The following DMRTB1 variants were observed in gnomAD, a reference collection of about 807,000 sequenced individuals.
DMRTB1 encodes the protein DMRT like family B with proline rich C-terminal 1, also known as doublesex- and mab-3-related transcription factor B1.
A neutral mutation model predicts 25.2 loss-of-function variants in DMRTB1; 9 were observed. The observed-to-expected ratio is 0.36, with a 90% confidence interval of 0.22 to 0.62. DMRTB1 has a LOEUF of 0.62. DMRTB1 is among the 20% of genes least tolerant of loss of function. The probability of loss-of-function intolerance (pLI) is 0.71; values close to 1 mark genes in which losing one functional copy is unlikely to be tolerated. For missense variants in DMRTB1, 551 were observed against 499.3 expected, an observed-to-expected ratio of 1.10 and a Z score of -0.99; for synonymous variants, 269 against 238.1, an observed-to-expected ratio of 1.13 and a Z score of -1.20.
At chr1:53,460,644 TAC>T (rs1391260923) in intron 1 of DMRTB1, 4 of 152,370 alleles carry the variant, frequency 2.6e-5, no homozygotes, top group African/African-American at 9.6e-5. Context: ...CTTCACCTTG[TAC>T]ATAAATTACA....
chr1:53,461,761 G>T lies in DMRTB1; in HGVS notation c.750+116G>T, dbSNP rs1485598888. On this transcript the variant is annotated intron_variant, in intron 2 of 3. Transcript: ENST00000371445. The stretch of plus-strand genomic sequence containing the variant: ...CATAAACTGTGCCCACGCCATGCCA[G>T]CCCCCGAGTGCTGGTGGAGGACTAG... 2.4e-6 allele frequency: 3 copies of T among 1,260,874 alleles called. No individual in the cohort carries two copies. In the East Asian group the frequency reaches 8.1e-5, roughly 34 times the overall value. 78.1% of individuals were successfully genotyped at this position (1,260,874 alleles called of 1,614,324 possible). A position where few individuals can be genotyped will look rare whatever the true frequency, so the allele number is the denominator to read the frequency against.
intron 1 of DMRTB1, among the ~76,000 whole-genome samples, chr1:53,460,844 G>T (rs1455401297): frequency 6.6e-6 from 1 of 152,202 alleles, no homozygotes; most frequent in Non-Finnish European, 1.5e-5. Context: ...TGCCCTCTGT[G>T]TGCCAGGGCA....
At position 53,466,835 on chromosome 1, in the gene DMRTB1, C is replaced by T. The variant is rs190565044; in HGVS notation, c.*173C>T. 162 of 671,808 alleles carry T rather than the reference C, an allele frequency of 2.4e-4. No homozygotes were observed. The Admixed American group carries it at 2.7e-3, about 11-fold the overall frequency. 41.6% of individuals were successfully genotyped at this position (671,808 alleles called of 1,614,324 possible). On this transcript the variant is annotated 3_prime_UTR_variant, in exon 4 of 4. Coordinates refer to ENST00000371445, the MANE Select transcript of DMRTB1 (RefSeq NM_033067.3). ...GAGCAATTTCTAAGTTTCAATCCTG[C>T]GCTGTACAGTTGAAGAAGAGTGTGG...
rs780080350 is a variant in DMRTB1, at chr1:53,466,587, C to G, written c.962-8C>G. ...TCTAAATCCAGCTACCTTCTTTGTC[C>G]TTCACAGATGACCAGGATGCAGAGG... On this transcript the variant is annotated splice_region_variant and splice_polypyrimidine_tract_variant and intron_variant, in intron 3 of 3. Coordinates refer to ENST00000371445, the MANE Select transcript of DMRTB1 (RefSeq NM_033067.3). 96 of 1,613,952 alleles carry G rather than the reference C, an allele frequency of 5.9e-5. 1 individual carries two copies. The highest frequency in any genetic ancestry group is 8.5e-6 in the Non-Finnish European group (10 of 1,179,974).
At position 53,459,699 on chromosome 1, in the gene DMRTB1, C is replaced by T. The variant is rs1489292317; in HGVS notation, c.246C>T (p.Ala82=). The T allele has an allele frequency of 1.4e-6, 2 of 1,474,060 alleles. No homozygotes were observed. Among genetic ancestry groups the T allele is most frequent in the Admixed American group, 2.6e-5 (1 of 39,178 alleles). 91.3% of individuals were successfully genotyped at this position (1,474,060 alleles called of 1,614,324 possible). Residue 82 remains alanine (A), a synonymous_variant, in exon 1 of 4, where the codon GCC becomes GCT. Transcript: ENST00000371445. ...QGPKQASGAA[A]AAPAPVPVPA... ...CCAAGCAGGCCTCCGGGGCTGCGGCCGCCGCCCCCGCCCCCGTCCCCGTCC... is the reference window on the plus strand; with the variant it reads ...CCAAGCAGGCCTCCGGGGCTGCGGCTGCCGCCCCCGCCCCCGTCCCCGTCC...
rs1434191157 is a variant in DMRTB1 at position 53,459,701 on chromosome 1, C to G, written c.248C>G (p.Ala83Gly). ...GPKQASGAAA[A>G]APAPVPVPAA... ...AAGCAGGCCTCCGGGGCTGCGGCCG[C>G]CGCCCCCGCCCCCGTCCCCGTCCCG... The change falls in exon 1 of 4, where the codon GCC becomes GGC. Residue 83 changes from alanine (A) to glycine (G), a missense_variant. Physicochemically the swap from Ala to Gly is moderately conservative, Grantham distance 60. Transcript: ENST00000371445. The G allele has an allele frequency of 5.6e-6, 8 of 1,420,810 alleles. No homozygotes were observed. The highest frequency in any genetic ancestry group is 7.4e-6 in the Non-Finnish European group (8 of 1,088,098). 88.0% of individuals were successfully genotyped at this position (1,420,810 alleles called of 1,614,324 possible).
At chr1:53,465,660 A>G (rs149204332) in intron 3 of DMRTB1, among the ~76,000 whole-genome samples, 1 of 137,712 alleles carries the variant, frequency 7.3e-6, no homozygotes, top group African/African-American at 3.2e-5. Context: ...TGAAGAGGAA[A>G]CTGAGGCCTG....
chr1:53,460,266 G>A (rs942409593), intron 1 of DMRTB1: 4 of 521,888 alleles, frequency 7.7e-6, no homozygotes, highest in Non-Finnish European at 1.3e-5. Context: ...TTTAGCTGTA[G>A]TTTGTGCCAT....
chr1:53,459,750 C>T lies in DMRTB1; in HGVS notation c.297C>T (p.Ser99=). The change falls in exon 1 of 4, where the codon TCC becomes TCT. Residue 99 remains serine (S), a synonymous_variant. Transcript: ENST00000371445. ...PVPAASLRPL[S]PGTPSGDADP... ...CGGCCGCGAGCCTCCGCCCGCTGTC[C>T]CCGGGGACTCCCTCCGGAGACGCCG... 1.5e-6 allele frequency: 2 copies of T among 1,361,210 alleles called. No individual in the cohort carries two copies. The highest frequency in any genetic ancestry group is 1.9e-6 in the Non-Finnish European group (2 of 1,060,252). 84.3% of individuals were successfully genotyped at this position (1,361,210 alleles called of 1,614,324 possible). A position where few individuals can be genotyped will look rare whatever the true frequency, so the allele number is the denominator to read the frequency against.
chr1:53,461,667 T>C (rs1485124163), intron 2 of DMRTB1, 22 bp downstream of exon 2: 1 of 1,529,638 alleles, frequency 6.5e-7, no homozygotes, highest in Non-Finnish European at 8.8e-7. Flanking sequence ...CCCTCACTTC[T>C]TGCCAGCTTC....
At chr1:53,465,409 A>G (rs1273244860) in intron 3 of DMRTB1, among the ~76,000 whole-genome samples, 2 of 152,172 alleles carry the variant, frequency 1.3e-5, no homozygotes, top group Admixed American at 1.3e-4. Context: ...AGGCTTTTCA[A>G]CTATAAAAGG....
chr1:53,459,768 A>G lies in DMRTB1; in HGVS notation c.315A>G (p.Gly105=). The change falls in exon 1 of 4, where the codon GGA becomes GGG. Residue 105 remains glycine, a synonymous_variant. Coordinates refer to ENST00000371445, the MANE Select transcript of DMRTB1 (RefSeq NM_033067.3). ...CGCTGTCCCCGGGGACTCCCTCCGG[A>G]GACGCCGACCCGGGACCCGAGGGCC... ...LRPLSPGTPS[G]DADPGPEGRA... is the part of the protein sequence containing the mutation. 1 of 1,374,292 alleles carries G rather than the reference A, an allele frequency of 7.3e-7. No individual in the cohort carries two copies. Among genetic ancestry groups the G allele is most frequent in the Non-Finnish European group, 9.4e-7 (1 of 1,066,802 alleles). The allele number at this position is 1,374,292 out of a possible 1,614,324, so 85.1% of individuals were successfully genotyped here.
chr1:53,460,233 G>A lies in DMRTB1; in HGVS notation c.577+203G>A, dbSNP rs1325272028. 7.0e-6 allele frequency: 5 copies of A among 713,920 alleles called. No individual in the cohort carries two copies. The East Asian group carries it at 1.7e-4, about 24-fold the overall frequency. The allele number at this position is 713,920 out of a possible 1,614,324, so 44.2% of individuals were successfully genotyped here. ...AGGAAACGAGAAACAGAAAGGAATG[G>A]GCGGTTCAGAGGGCTTTTAACATTT... On this transcript the variant is annotated intron_variant, in intron 1 of 3. Transcript: ENST00000371445.
chr1:53,464,530 A>G (rs755429418), intron 2 of DMRTB1, 107 bp from the exon 3 acceptor site: 20 of 1,551,130 alleles, frequency 1.3e-5, no homozygotes, highest in Non-Finnish European at 1.8e-5. Flanking sequence ...GGGGCCGTGC[A>G]TCTACCCCAT....
chr1:53,466,696 G>C lies in DMRTB1; in HGVS notation c.*34G>C. The stretch of plus-strand genomic sequence containing the variant: ...CCCGCCCTCCTGGCCAGCAGAGTGG[G>C]GCACTGGGGGGCAACAGCAACAGTT... On this transcript the variant is annotated 3_prime_UTR_variant, in exon 4 of 4. Transcript: ENST00000371445. 1 of 1,599,146 alleles carries C rather than the reference G, an allele frequency of 6.3e-7. No individual in the cohort carries two copies. Among genetic ancestry groups the C allele is most frequent in the Non-Finnish European group, 8.5e-7 (1 of 1,170,560 alleles).
In DMRTB1 at chr1:53,461,509, G is replaced by A; in HGVS notation, c.614G>A (p.Gly205Asp). 6.2e-7 allele frequency: 1 copy of A among 1,610,306 alleles called. No individual in the cohort carries two copies. Reference protein sequence around the residue: ...PLNINPDRALGPEYPGGSSMH... With the variant: ...PLNINPDRALDPEYPGGSSMH... ...AACATCAACCCGGACCGTGCACTGG[G>A]CCCTGAGTACCCTGGTGGCTCCAGC... Residue 205 changes from glycine (G) to aspartate (D), a missense_variant, in exon 2 of 4, where the codon GGC becomes GAC. Gly to Asp is a moderately conservative substitution (Grantham distance 94, BLOSUM62 -1). Coordinates refer to ENST00000371445, the MANE Select transcript of DMRTB1 (RefSeq NM_033067.3).
At chr1:53,460,125 A>T (rs1569646180) in intron 1 of DMRTB1, 95 bp downstream of exon 1, 1 of 1,400,296 alleles carries the variant, frequency 7.1e-7, no homozygotes, top group Non-Finnish European at 9.3e-7. Flanking sequence ...GGGTGGAGAG[A>T]AGTTTTTCCA....
rs922719301 is a variant in DMRTB1, at chr1:53,466,788, C to T, written c.*126C>T. On this transcript the variant is annotated 3_prime_UTR_variant, in exon 4 of 4. Coordinates refer to ENST00000371445, the MANE Select transcript of DMRTB1 (RefSeq NM_033067.3). The stretch of plus-strand genomic sequence containing the variant: ...GATAGCATAGATGGCAACTGATTCC[C>T]AGTTTAAGATAGGAGGAAGGAGAGC... 1 of 949,160 alleles carries T rather than the reference C, an allele frequency of 1.1e-6. No individual in the cohort carries two copies. The highest frequency in any genetic ancestry group is 2.0e-5 in the Admixed American group (1 of 48,888). The allele number at this position is 949,160 out of a possible 1,614,324, so 58.8% of individuals were successfully genotyped here. A position where few individuals can be genotyped will look rare whatever the true frequency, so the allele number is the denominator to read the frequency against.
intron 1 of DMRTB1, 111 bp from the exon 2 acceptor site, chr1:53,461,362 T>C: frequency 8.7e-7 from 1 of 1,145,156 alleles, no homozygotes; most frequent in African/African-American, 1.6e-5. Flanking sequence ...AAGTGCGGGG[T>C]GGGCTTTCTG....
Sources: allele counts gnomAD v4.1 joint callset (sites outside exome capture counted in the v4.1 genomes callset), GRCh38; gene constraint gnomAD v4.1.1; transcripts MANE v1.5; gene names NCBI Gene and HGNC (gene_info 2026-07-23, HGNC 2026-07-21).